Variants in CAPN8 observed in about 807,000 individuals in gnomAD.
The protein encoded by CAPN8 is calpain-8.
A neutral mutation model predicts 80.9 loss-of-function variants in CAPN8; 87 were observed. The ratio of observed to expected loss-of-function variants is 1.07; its 90% CI spans 0.90 to 1.28. The LOEUF (loss-of-function observed/expected upper bound fraction) is 1.28, where lower values mean the gene tolerates loss of function less well. Ranked by LOEUF, CAPN8 falls within the 50% of genes most tolerant of loss-of-function variation. CAPN8 has a pLI of 0.00. For synonymous variants in CAPN8, 299 were observed against 273.8 expected (o/e 1.09, Z -0.91); for missense variants, 757 against 702.0 (o/e 1.08, Z -0.89).
At chr1:223,655,564 G>A (rs1658464824) in intron 1 of CAPN8, among the ~76,000 whole-genome samples, 1 of 152,156 alleles carries the variant, frequency 6.6e-6, no homozygotes, top group Non-Finnish European at 1.5e-5. Context: ...TGCTTTTGCT[G>A]TATATAGCAA....
intron 12 of CAPN8, 63 bp downstream of exon 12, chr1:223,609,090 G>A: frequency 2.5e-6 from 1 of 397,664 alleles, no homozygotes; most frequent in Non-Finnish European, 4.4e-6. Context: ...CACCTGCATG[G>A]GGCCATTTCC....
At chr1:223,544,295 C>T (rs902274247) in intron 18 of CAPN8, 112 bp from the exon 19 acceptor site, 1 of 645,928 alleles carries the variant, frequency 1.5e-6, no homozygotes, top group African/African-American at 1.8e-5. Flanking sequence ...CTGTATCAAT[C>T]TGCAAACCAG....
At chr1:223,648,247 G>A (rs1236164492) in intron 2 of CAPN8, among the ~76,000 whole-genome samples, 5 of 152,170 alleles carry the variant, frequency 3.3e-5, no homozygotes. Flanking sequence ...AGCCACCACG[G>A]GTAGCAAAGT....
intron 2 of CAPN8, among the ~76,000 whole-genome samples, chr1:223,646,075 T>A (rs531408251): frequency 6.6e-6 from 1 of 152,268 alleles, no homozygotes; most frequent in South Asian, 2.1e-4. Context: ...TTCTGCCAGC[T>A]GGTGAGGGAT....
chr1:223,657,014 G>T (rs1194914125), intron 1 of CAPN8, among the ~76,000 whole-genome samples: 2 of 152,072 alleles, frequency 1.3e-5, no homozygotes, highest in South Asian at 2.1e-4. Flanking sequence ...CATATGTCTT[G>T]TACGTATGTC....
chr1:223,543,248 C>A, intron 19 of CAPN8, 82 bp from the exon 20 acceptor site: 1 of 1,467,676 alleles, frequency 6.8e-7, no homozygotes, highest in Non-Finnish European at 9.3e-7. Flanking sequence ...TCTGTCTACC[C>A]CATCCCCACC....
chr1:223,664,053 A>G (rs1658722621), intron 1 of CAPN8, among the ~76,000 whole-genome samples: 1 of 152,218 alleles, frequency 6.6e-6, no homozygotes, highest in Admixed American at 6.5e-5. Flanking sequence ...GATGAGCTCA[A>G]TTCTCACAAC....
At chr1:223,616,212 A>C in intron 9 of CAPN8, 67 bp from the exon 10 acceptor site, 1 of 1,468,670 alleles carries the variant, frequency 6.8e-7, no homozygotes, top group Non-Finnish European at 9.1e-7. Flanking sequence ...GAATAAAGTA[A>C]AAGGGAAGAA....
chr1:223,621,354 C>T (rs543745350), intron 7 of CAPN8, among the ~76,000 whole-genome samples: 1 of 151,678 alleles, frequency 6.6e-6, no homozygotes, highest in African/African-American at 2.4e-5. Flanking sequence ...ATATAATTAT[C>T]CCAGGTTGCA....
chr1:223,652,300 CCA>C (rs1658363582), intron 2 of CAPN8, among the ~76,000 whole-genome samples: 1 of 151,904 alleles, frequency 6.6e-6, no homozygotes, highest in Non-Finnish European at 1.5e-5. Flanking sequence ...CGATATCGGG[CCA>C]CTGCACTCCA....
chr1:223,642,561 A>AG (rs1162879873), intron 2 of CAPN8: 35 of 327,694 alleles, frequency 1.1e-4, no homozygotes, highest in Middle Eastern at 2.2e-3. Context: ...ATTCTGGGCC[A>AG]GGGGGGTCTT....
At chr1:223,547,190 G>T (rs77674095) in intron 16 of CAPN8, among the ~76,000 whole-genome samples, 4,106 of 152,206 alleles carry the variant, frequency 0.027, 130 homozygotes, top group African/African-American at 0.08. Context: ...GGGATGACAG[G>T]CATCAGCCCC....
intron 2 of CAPN8, among the ~76,000 whole-genome samples, chr1:223,648,035 G>A (rs1463428291): frequency 1.3e-5 from 2 of 152,144 alleles, no homozygotes; most frequent in African/African-American, 4.8e-5. Context: ...GAATTCTTTC[G>A]TGCTCCTGAA....
At position 223,619,461 on chromosome 1, in the gene CAPN8, A is replaced by G; in HGVS notation, c.975-8T>C. ...AAATCTGAAAGTGACATCCTGGGGC[A>G]GAGGCACCAGAGGGCTCTCAGTGAA... On this transcript the variant is annotated splice_region_variant and splice_polypyrimidine_tract_variant and intron_variant, in intron 8 of 20. Transcript: ENST00000366872. 1.3e-6 allele frequency: 2 copies of G among 1,551,514 alleles called. No individual in the cohort carries two copies. The highest frequency in any genetic ancestry group is 1.4e-5 in the African/African-American group (1 of 73,172).
In CAPN8 at chr1:223,665,466, T is replaced by G; in HGVS notation, c.181A>C (p.Lys61Gln). The change falls in exon 1 of 21, where the codon AAG becomes CAG. Residue 61 changes from lysine (K) to glutamine (Q), a missense_variant. Coordinates refer to ENST00000366872, the MANE Select transcript of CAPN8 (RefSeq NM_001143962.2). ...TGCGGAGAGCCTGGTCCAAGATCCT[T>G]GTAGCCCAAAGCTGATGGACATGCT... Reference protein sequence around the residue: ...FPACPSALGYKDLGPGSPQTQ... With the variant: ...FPACPSALGYQDLGPGSPQTQ... The G allele has an allele frequency of 2.6e-6, 4 of 1,552,088 alleles. No homozygotes were observed. Among genetic ancestry groups the G allele is most frequent in the Non-Finnish European group, 3.5e-6 (4 of 1,147,088 alleles).
chr1:223,640,787 T>C (rs970754275), intron 2 of CAPN8, among the ~76,000 whole-genome samples: 2 of 152,068 alleles, frequency 1.3e-5, no homozygotes, highest in Non-Finnish European at 2.9e-5. Flanking sequence ...GATGTGGAAA[T>C]ATTCATGAGT....
chr1:223,621,982 T>A (rs2102707383), intron 7 of CAPN8, among the ~76,000 whole-genome samples: 1 of 152,230 alleles, frequency 6.6e-6, no homozygotes, highest in South Asian at 2.1e-4. Context: ...ATTTTTGTAC[T>A]TTTAGTAGAG....
At chr1:223,542,434 GT>G (rs1262521025) in intron 20 of CAPN8, among the ~76,000 whole-genome samples, 2 of 152,122 alleles carry the variant, frequency 1.3e-5, no homozygotes, top group African/African-American at 4.8e-5. Context: ...CAGGAAAGAG[GT>G]CAATAGCATT....
intron 6 of CAPN8, 126 bp downstream of exon 6, chr1:223,625,679 G>A (rs563877900): frequency 7.0e-6 from 5 of 716,650 alleles, no homozygotes; most frequent in African/African-American, 1.7e-5. Context: ...TCCCAATATG[G>A]CAGTGAAGCT....
Sources: gnomAD v4.1 joint callset for allele counts (sites outside exome capture counted in the v4.1 genomes callset) on GRCh38, gnomAD v4.1.1 for gene constraint, MANE v1.5 for transcripts, NCBI Gene and HGNC (gene_info 2026-07-23, HGNC 2026-07-21) for gene names.